The following PCDHGA9 variants were observed in gnomAD, a reference collection of about 807,000 sequenced individuals.
PCDHGA9 encodes protocadherin gamma subfamily A, 9, also known as protocadherin gamma-A9.
In PCDHGA9, 37 loss-of-function variants were observed where a neutral mutation model predicts 62.5. The ratio of observed to expected loss-of-function variants is 0.59; its 90% CI spans 0.46 to 0.78. PCDHGA9 has a LOEUF of 0.78. Among genes scored for constraint, PCDHGA9 ranks in the 30% least tolerant of loss-of-function variants. The probability of loss-of-function intolerance (pLI) is 0.00; values close to 1 mark genes in which losing one functional copy is unlikely to be tolerated. For missense variants in PCDHGA9, 1,138 were observed against 1,166.2 expected (o/e 0.98, Z 0.35); for synonymous variants, 459 against 484.6 (o/e 0.95, Z 0.69).
At chr5:141,447,023 G>GTT (rs5871773) in intron 1 of PCDHGA9, among the ~76,000 whole-genome samples, 2,010 of 151,524 alleles carry the variant, frequency 0.013, 40 homozygotes, top group African/African-American at 0.047. Context: ...GTTTTGTTTT[G>GTT]TTTTTTTTCT....
intron 1 of PCDHGA9, chr5:141,428,732 T>C (rs976924838): frequency 1.3e-5 from 2 of 159,284 alleles, no homozygotes; most frequent in African/African-American, 4.8e-5. Context: ...CTTAAACATA[T>C]TATATCTACT....
intron 1 of PCDHGA9, chr5:141,423,612 T>G: frequency 6.2e-7 from 1 of 1,611,004 alleles, no homozygotes; most frequent in Non-Finnish European, 8.5e-7. Flanking sequence ...TCTTGATAGC[T>G]GAAGACTCAG....
chr5:141,495,752 C>G (rs1310125902), intron 2 of PCDHGA9, among the ~76,000 whole-genome samples: 1 of 152,150 alleles, frequency 6.6e-6, no homozygotes, highest in Non-Finnish European at 1.5e-5. Flanking sequence ...TTCTCTATCT[C>G]TGCCTCCCTG....
chr5:141,415,461 T>G, intron 1 of PCDHGA9: 1 of 1,614,180 alleles, frequency 6.2e-7, no homozygotes, highest in African/African-American at 1.3e-5. Flanking sequence ...ACGAGGTCTC[T>G]CTCACCGCGG....
In PCDHGA9 at chr5:141,511,502, A is replaced by G. The variant is rs953158220; in HGVS notation, c.*329A>G. ...CTGAACTCCTCCATCTTCCAAATCAATCAGGCCCATCCATCCCATGCCTCC... is the reference window on the plus strand; with the variant it reads ...CTGAACTCCTCCATCTTCCAAATCAGTCAGGCCCATCCATCCCATGCCTCC... On this transcript the variant is annotated 3_prime_UTR_variant, in exon 4 of 4. Transcript: ENST00000573521. The G allele has an allele frequency of 1.3e-5, 5 of 395,150 alleles. No homozygotes were observed. Among genetic ancestry groups the G allele is most frequent in the African/African-American group, 1.0e-4 (5 of 48,770 alleles). The allele number at this position is 395,150 out of a possible 1,614,324, so 24.5% of individuals were successfully genotyped here.
intron 1 of PCDHGA9, chr5:141,423,925 T>C (rs17097293): frequency 0.23 from 286,429 of 1,244,544 alleles, 36,355 homozygotes; most frequent in African/African-American, 0.51. Flanking sequence ...ACTATGCTGG[T>C]TTGGTTTGAA....
chr5:141,424,962 C>G (rs1018789700), intron 1 of PCDHGA9, among the ~76,000 whole-genome samples: 2 of 152,116 alleles, frequency 1.3e-5, no homozygotes, highest in Admixed American at 6.6e-5. Flanking sequence ...GTATTTGCCC[C>G]AAATTACTTG....
intron 1 of PCDHGA9, among the ~76,000 whole-genome samples, chr5:141,452,455 C>T (rs2098741536): frequency 6.6e-6 from 1 of 152,208 alleles, no homozygotes; most frequent in Non-Finnish European, 1.5e-5. Flanking sequence ...GCCTTGTCAG[C>T]AGACGGAGCT....
chr5:141,459,756 G>A (rs1455980132), intron 1 of PCDHGA9, among the ~76,000 whole-genome samples: 1 of 152,118 alleles, frequency 6.6e-6, no homozygotes, highest in Non-Finnish European at 1.5e-5. Flanking sequence ...AATTCTAGTG[G>A]GTGTGTGATA....
At position 141,403,421 on chromosome 5, in the gene PCDHGA9, G is replaced by A. The variant is rs773369451; in HGVS notation, c.469G>A (p.Ala157Thr). ...TGGAGCACGTTATCCACTTCCAGAA[G>A]CTATTGATCCGGATGTTGGCGTGAA... ...VPGARYPLPE[A>T]IDPDVGVNSL... The change falls in exon 1 of 4, where the codon GCT becomes ACT. Residue 157 changes from alanine (A) to threonine (T), a missense_variant. By Grantham distance (58) the Ala-to-Thr change is moderately conservative. Coordinates refer to ENST00000573521, the MANE Select transcript of PCDHGA9 (RefSeq NM_018921.3). 11 of 1,614,038 alleles carry A rather than the reference G, an allele frequency of 6.8e-6. No individual in the cohort carries two copies. In the East Asian group the frequency reaches 2.5e-4, roughly 36 times the overall value.
At position 141,490,502 on chromosome 5, in the gene PCDHGA9, T is replaced by C. The variant is rs1408615048; in HGVS notation, c.2425-4305T>C. On this transcript the variant is annotated intron_variant, in intron 1 of 3. Transcript: ENST00000573521. The surrounding 1 kb of genome is among the most constrained non-coding windows in gnomAD (Gnocchi z 5.4). Reference sequence around the variant, plus strand: ...GACCGGGAGGCCACATCCCACTATATCATCGAGCTGCTGGCCAGCGATGCT... The same window carrying C: ...GACCGGGAGGCCACATCCCACTATACCATCGAGCTGCTGGCCAGCGATGCT... 1.2e-6 allele frequency: 2 copies of C among 1,614,094 alleles called. No individual in the cohort carries two copies. The highest frequency in any genetic ancestry group is 1.1e-5 in the South Asian group (1 of 91,076).
chr5:141,489,732 C>CA lies in PCDHGA9; in HGVS notation c.2425-5073dup, dbSNP rs770971020. On this transcript the variant is annotated intron_variant, in intron 1 of 3. Transcript: ENST00000573521. This position sits in a 1 kb window ranked among gnomAD's most constrained non-coding sequence, Gnocchi z 4.5. ...GTGCCCAGGATCCGGATGTGGGCAC[C>CA]AATACTGTGAGCTTTTACACTCTAA... 4.3e-6 allele frequency: 7 copies of CA among 1,614,008 alleles called. No individual in the cohort carries two copies. Among genetic ancestry groups the CA allele is most frequent in the Non-Finnish European group, 5.9e-6 (7 of 1,180,002 alleles).
Position 141,495,452 on chromosome 5 carries a change from CTCTG to C in PCDHGA9, c.2483+593_2483+596del, listed in dbSNP as rs550877100. ...GTCCTCTGCCCCTACTTGTCCTGCTCTCTGTCTGTGGGGTCTCCGTGTCTCTGCC... is the reference window on the plus strand; with the variant it reads ...GTCCTCTGCCCCTACTTGTCCTGCTCTCTGTGGGGTCTCCGTGTCTCTGCC... On this transcript the variant is annotated intron_variant, in intron 2 of 3. Coordinates refer to ENST00000573521, the MANE Select transcript of PCDHGA9 (RefSeq NM_018921.3). 5.6e-4 allele frequency among the ~76,000 whole-genome samples: 85 copies of C among 152,356 alleles called. 1 individual carries two copies. Among genetic ancestry groups the C allele is most frequent in the Admixed American group, 3.5e-3 (53 of 15,310 alleles).
At chr5:141,419,261 G>C (rs758952830) in intron 1 of PCDHGA9, 16 of 1,613,982 alleles carry the variant, frequency 9.9e-6, no homozygotes, top group Non-Finnish European at 1.3e-5. Context: ...CAACCAGCCG[G>C]GTGCCTCCAT....
chr5:141,405,032 G>A lies in PCDHGA9; in HGVS notation c.2080G>A (p.Val694Ile), dbSNP rs747720731. The change falls in exon 1 of 4, where the codon GTT (valine) becomes ATT (isoleucine). Residue 694 changes from valine to isoleucine, a missense_variant. Physicochemically the swap from Val to Ile is conservative, Grantham distance 29. Transcript: ENST00000573521. Reference sequence around the variant, plus strand: ...GGCCTCAGACCTTACCCTCTACCTCGTTGTGGCTGTGGCAGTCGTCTCCTG... The same window carrying A: ...GGCCTCAGACCTTACCCTCTACCTCATTGTGGCTGTGGCAGTCGTCTCCTG... ...LEASDLTLYL[V>I]VAVAVVSCVF... 1.5e-5 allele frequency: 25 copies of A among 1,613,806 alleles called. No homozygotes were observed. The highest frequency in any genetic ancestry group is 6.7e-5 in the African/African-American group (5 of 74,902).
At chr5:141,478,487 A>G (rs1593917832) in intron 1 of PCDHGA9, 1 of 1,613,454 alleles carries the variant, frequency 6.2e-7, no homozygotes, top group South Asian at 1.1e-5. Flanking sequence ...CACGCTGCGG[A>G]GCTGTGATCC....
chr5:141,431,767 T>C lies in PCDHGA9; in HGVS notation c.2424+26391T>C. The C allele has an allele frequency of 1.2e-6, 2 of 1,614,224 alleles. No homozygotes were observed. Among genetic ancestry groups the C allele is most frequent in the Non-Finnish European group, 1.7e-6 (2 of 1,180,034 alleles). ...CTGCGCGAGCCAAAGTCCTGATCAC[T>C]GTTCTGGACGTGAACGACAATGCCC... On this transcript the variant is annotated intron_variant, in intron 1 of 3. Coordinates refer to ENST00000573521, the MANE Select transcript of PCDHGA9 (RefSeq NM_018921.3). This position sits in a 1 kb window ranked among gnomAD's most constrained non-coding sequence, Gnocchi z 4.8.
rs979093310 is a variant in PCDHGA9 at position 141,486,621 on chromosome 5, A to G, written c.2425-8186A>G. On this transcript the variant is annotated intron_variant, in intron 1 of 3. Transcript: ENST00000573521. This position sits in a 1 kb window ranked among gnomAD's most constrained non-coding sequence, Gnocchi z 5.0. The stretch of plus-strand genomic sequence containing the variant: ...TGCTCCCTTGCAGCCTCTGACCCAG[A>G]CTCTGGCTTGAATGCGCTTATCTCC... 6.2e-7 allele frequency: 1 copy of G among 1,613,388 alleles called. No individual in the cohort carries two copies. The highest frequency in any genetic ancestry group is 1.3e-5 in the African/African-American group (1 of 74,960).
At chr5:141,448,999 GT>G (rs910018882) in intron 1 of PCDHGA9, among the ~76,000 whole-genome samples, 2 of 151,816 alleles carry the variant, frequency 1.3e-5, no homozygotes, top group African/African-American at 4.8e-5. Context: ...ATAGAAAGCT[GT>G]TTTTTTTAAC....
Sources: allele counts gnomAD v4.1 joint callset (sites outside exome capture counted in the v4.1 genomes callset), GRCh38; gene constraint gnomAD v4.1.1; non-coding constraint Gnocchi (gnomAD v3.1); transcripts MANE v1.5; gene names NCBI Gene and HGNC (gene_info 2026-07-23, HGNC 2026-07-21).